Variants in RPS6KC1 observed in about 807,000 individuals in gnomAD.
The protein encoded by RPS6KC1 is inactive ribosomal protein S6 kinase delta-1.
In RPS6KC1, 54 loss-of-function variants were observed where a neutral mutation model predicts 103.8. That is an observed-to-expected ratio of 0.52 (90% confidence interval 0.42 to 0.65). The LOEUF (loss-of-function observed/expected upper bound fraction) is 0.65. Among genes scored for constraint, RPS6KC1 ranks in the 30% least tolerant of loss-of-function variants. The pLI is 0.00. For synonymous variants in RPS6KC1, 439 were observed against 438.7 expected (o/e 1.00, Z -0.01); for missense variants, 1,151 against 1,253.8 (o/e 0.92, Z 1.24).
chr1:213,316,008 C>T, the RPS6KC1 span, among the ~76,000 whole-genome samples: 2 of 152,204 alleles, frequency 1.3e-5, no homozygotes, highest in African/African-American at 4.8e-5. Flanking sequence ...GAGGTGACAT[C>T]ATCAGGCTCT....
chr1:213,425,886 G>C, the RPS6KC1 span, among the ~76,000 whole-genome samples: 1 of 152,208 alleles, frequency 6.6e-6, no homozygotes. Context: ...ATGGTGACCA[G>C]CGGGAAGGTG....
chr1:213,602,578 A>AT, the RPS6KC1 span, among the ~76,000 whole-genome samples: 1 of 152,048 alleles, frequency 6.6e-6, no homozygotes, highest in East Asian at 1.9e-4. Context: ...AAAGAATAAC[A>AT]TTTTATAGTC....
intron 8 of RPS6KC1, among the ~76,000 whole-genome samples, chr1:213,192,252 A>G (rs546692359): frequency 1.2e-4 from 19 of 152,300 alleles, no homozygotes; most frequent in African/African-American, 4.3e-4. Context: ...CTTGGTCATG[A>G]TGAATGATCT....
chr1:213,333,822 C>T, the RPS6KC1 span, among the ~76,000 whole-genome samples: 1 of 152,222 alleles, frequency 6.6e-6, no homozygotes, highest in East Asian at 1.9e-4. Flanking sequence ...GCTGGGATTA[C>T]AGGCACCCAC....
chr1:213,389,866 T>C, the RPS6KC1 span, among the ~76,000 whole-genome samples: 2 of 152,150 alleles, frequency 1.3e-5, no homozygotes, highest in African/African-American at 4.8e-5. Flanking sequence ...TTTTTTTTCA[T>C]CCCAGGAAAT....
the RPS6KC1 span, among the ~76,000 whole-genome samples, chr1:213,704,191 T>C: frequency 2.9e-4 from 44 of 151,262 alleles, no homozygotes; most frequent in African/African-American, 1.0e-3. Flanking sequence ...ATCGAGACCA[T>C]CCTGGCTAAC....
chr1:213,631,520 A>G, the RPS6KC1 span, among the ~76,000 whole-genome samples: 7 of 152,320 alleles, frequency 4.6e-5, no homozygotes, highest in South Asian at 1.4e-3. Flanking sequence ...CAATGTCAGA[A>G]TGAAGATACC....
At chr1:213,114,689 G>A (rs2083394055) in intron 4 of RPS6KC1, among the ~76,000 whole-genome samples, 1 of 151,952 alleles carries the variant, frequency 6.6e-6, no homozygotes, top group African/African-American at 2.4e-5. Flanking sequence ...TATTGGCTGT[G>A]GGTTTGTCAT....
chr1:213,632,756 A>T, the RPS6KC1 span, among the ~76,000 whole-genome samples: 1 of 152,234 alleles, frequency 6.6e-6, no homozygotes. Flanking sequence ...CTCCGAGCTA[A>T]AGGAGGATGT....
At chr1:213,419,796 T>G in the RPS6KC1 span, among the ~76,000 whole-genome samples, 5 of 152,304 alleles carry the variant, frequency 3.3e-5, no homozygotes, top group Admixed American at 6.5e-5. Flanking sequence ...GAGCTGCATG[T>G]GTCAGGGTCT....
chr1:213,639,502 T>G, the RPS6KC1 span, among the ~76,000 whole-genome samples: 2 of 152,006 alleles, frequency 1.3e-5, no homozygotes, highest in Non-Finnish European at 2.9e-5. Flanking sequence ...CTTTTACCCT[T>G]AAGTATGAAG....
At chr1:213,737,382 G>A in the RPS6KC1 span, among the ~76,000 whole-genome samples, 1 of 152,194 alleles carries the variant, frequency 6.6e-6, no homozygotes, top group Non-Finnish European at 1.5e-5. Flanking sequence ...GACCATGACA[G>A]CTTTATCTGA....
At chr1:213,486,919 A>G in the RPS6KC1 span, among the ~76,000 whole-genome samples, 1 of 152,256 alleles carries the variant, frequency 6.6e-6, no homozygotes, top group African/African-American at 2.4e-5. Context: ...ATAATTATAT[A>G]GAACTGTTGG....
chr1:213,547,443 T>G, the RPS6KC1 span, among the ~76,000 whole-genome samples: 2 of 152,216 alleles, frequency 1.3e-5, no homozygotes, highest in African/African-American at 2.4e-5. Flanking sequence ...GCCACTATTT[T>G]GGAAAACCAT....
At chr1:213,068,873 A>ATGTGTGTGTGTGTG (rs60259563) in intron 1 of RPS6KC1, among the ~76,000 whole-genome samples, 3 of 127,394 alleles carry the variant, frequency 2.4e-5, no homozygotes, top group South Asian at 2.6e-4. Flanking sequence ...AAGTGTATAT[A>ATGTGTGTGTGTGTG]TGTGTGTGTG....
the RPS6KC1 span, among the ~76,000 whole-genome samples, chr1:213,832,193 C>T: frequency 1.3e-5 from 2 of 152,146 alleles, no homozygotes; most frequent in Non-Finnish European, 2.9e-5. Context: ...TTGGCTTCAC[C>T]TTGGGATTGG....
chr1:213,791,997 T>TA, the RPS6KC1 span, among the ~76,000 whole-genome samples: 8 of 152,204 alleles, frequency 5.3e-5, no homozygotes, highest in Non-Finnish European at 8.8e-5. Context: ...TTGATGGACC[T>TA]ATGAGACGCA....
chr1:213,401,175 G>A, the RPS6KC1 span, among the ~76,000 whole-genome samples: 1 of 152,146 alleles, frequency 6.6e-6, no homozygotes, highest in African/African-American at 2.4e-5. Context: ...CTGCTTAGGT[G>A]GGTATTTATT....
chr1:213,746,890 CTTGAG>C, the RPS6KC1 span, among the ~76,000 whole-genome samples: 1 of 152,096 alleles, frequency 6.6e-6, no homozygotes, highest in Non-Finnish European at 1.5e-5. Flanking sequence ...TAGGGAAGAT[CTTGAG>C]TTGAGTCTTA....
Sources: allele counts gnomAD v4.1 joint callset (sites outside exome capture counted in the v4.1 genomes callset), GRCh38; gene constraint gnomAD v4.1.1; transcripts MANE v1.5; gene names NCBI Gene and HGNC (gene_info 2026-07-23, HGNC 2026-07-21).